Variants in CADPS observed in about 807,000 individuals in gnomAD.
CADPS encodes calcium dependent secretion activator, also known as calcium-dependent secretion activator 1.
A neutral mutation model predicts 167.3 loss-of-function variants in CADPS; 57 were observed. The ratio of observed to expected loss-of-function variants is 0.34; its 90% CI spans 0.28 to 0.42. CADPS has a LOEUF of 0.42. CADPS is among the 20% of genes least tolerant of loss of function. CADPS has a pLI of 1.00. For synonymous variants in CADPS, 676 were observed against 635.3 expected (o/e 1.06, Z -0.96); for missense variants, 1,414 against 1,738.1 (o/e 0.81, Z 3.32).
intron 6 of CADPS, among the ~76,000 whole-genome samples, chr3:62,630,507 C>G (rs1436277376): frequency 6.6e-6 from 1 of 152,064 alleles, no homozygotes; most frequent in African/African-American, 2.4e-5. Flanking sequence ...CACCACCACA[C>G]CCAGCTTTTT....
chr3:62,655,573 C>T (rs1265965750), intron 4 of CADPS, among the ~76,000 whole-genome samples: 1 of 152,102 alleles, frequency 6.6e-6, no homozygotes, highest in African/African-American at 2.4e-5. Context: ...AGTTCTAATG[C>T]CTCCCTTGGC....
chr3:62,528,185 T>G (rs2072776361), intron 13 of CADPS, among the ~76,000 whole-genome samples: 1 of 152,136 alleles, frequency 6.6e-6, no homozygotes, highest in Non-Finnish European at 1.5e-5. Flanking sequence ...CATATACAAG[T>G]GCTAATCTTG....
At chr3:62,415,574 AGAG>A (rs1399026815) in intron 28 of CADPS, among the ~76,000 whole-genome samples, 1 of 152,180 alleles carries the variant, frequency 6.6e-6, no homozygotes, top group Admixed American at 6.5e-5. Flanking sequence ...GATTTTGTAA[AGAG>A]GAGGACAAAA....
chr3:62,774,994 T>C (rs918772706), intron 1 of CADPS, among the ~76,000 whole-genome samples: 11 of 152,138 alleles, frequency 7.2e-5, no homozygotes, highest in African/African-American at 2.7e-4. Context: ...TGTCTTGCTA[T>C]TTGAATGAAT....
intron 17 of CADPS, 145 bp downstream of exon 17, chr3:62,512,606 G>A: frequency 1.9e-6 from 1 of 526,318 alleles, no homozygotes; most frequent in Non-Finnish European, 3.4e-6. Context: ...TATTTAGACA[G>A]CACAAATTAA....
intron 8 of CADPS, 40 bp from the exon 9 acceptor site, chr3:62,570,978 G>C (rs778906370): frequency 2.4e-6 from 3 of 1,255,948 alleles, no homozygotes; most frequent in Non-Finnish European, 3.5e-6. Context: ...ATTAATGCTT[G>C]AGTGAGTGAA....
intron 6 of CADPS, among the ~76,000 whole-genome samples, chr3:62,629,273 T>G (rs529548730): frequency 6.6e-6 from 1 of 152,308 alleles, no homozygotes; most frequent in Non-Finnish European, 1.5e-5. Context: ...TGTGTCTGTT[T>G]GTAGTCAACC....
At chr3:62,491,018 T>G (rs577469902) in intron 21 of CADPS, among the ~76,000 whole-genome samples, 1 of 152,302 alleles carries the variant, frequency 6.6e-6, no homozygotes, top group Admixed American at 6.5e-5. Flanking sequence ...ATCCTAGAGA[T>G]AACACCATTG....
At chr3:62,635,993 G>C (rs2066231191) in intron 6 of CADPS, among the ~76,000 whole-genome samples, 1 of 152,168 alleles carries the variant, frequency 6.6e-6, no homozygotes, top group African/African-American at 2.4e-5. Flanking sequence ...AGGCATCTGA[G>C]AGATAAAGCG....
At chr3:62,559,548 G>A (rs1386163225) in intron 9 of CADPS, among the ~76,000 whole-genome samples, 2 of 151,906 alleles carry the variant, frequency 1.3e-5, no homozygotes, top group East Asian at 1.9e-4. Flanking sequence ...AGACTGGGGT[G>A]CAATGGCATG....
At chr3:62,578,176 C>T (rs1315370169) in intron 8 of CADPS, among the ~76,000 whole-genome samples, 3 of 129,124 alleles carry the variant, frequency 2.3e-5, no homozygotes, top group Non-Finnish European at 4.8e-5. Flanking sequence ...AAAAGATTTA[C>T]CATGCTAACA....
intron 1 of CADPS, among the ~76,000 whole-genome samples, chr3:62,792,361 G>T (rs183448557): frequency 6.6e-6 from 1 of 151,824 alleles, no homozygotes; most frequent in African/African-American, 2.4e-5. Flanking sequence ...GCACCCCCAT[G>T]CCTGGCTAAT....
intron 28 of CADPS, among the ~76,000 whole-genome samples, chr3:62,425,611 C>T: frequency 6.6e-6 from 1 of 152,164 alleles, no homozygotes; most frequent in Non-Finnish European, 1.5e-5. Flanking sequence ...AAATTACACG[C>T]ATATAAAAAG....
At chr3:62,654,446 G>C (rs981387303) in intron 4 of CADPS, among the ~76,000 whole-genome samples, 7 of 152,166 alleles carry the variant, frequency 4.6e-5, no homozygotes, top group Non-Finnish European at 1.0e-4. Flanking sequence ...TTTGCCACCA[G>C]GTTGAGTTGG....
chr3:62,861,341 G>A (rs2080765419), intron 1 of CADPS, among the ~76,000 whole-genome samples: 1 of 151,936 alleles, frequency 6.6e-6, no homozygotes, highest in African/African-American at 2.4e-5. Flanking sequence ...TACATTTTTA[G>A]AATTTGTAAA....
In CADPS at chr3:62,420,861, AACACACACACACACACACACAC is replaced by A. The variant is rs775850925; in HGVS notation, c.3777+17221_3777+17242del. Among the ~76,000 whole-genome samples, 1 of 133,852 alleles carries A rather than the reference AACACACACACACACACACACAC, an allele frequency of 7.5e-6. No homozygotes were observed. The highest frequency in any genetic ancestry group is 1.6e-5 in the Non-Finnish European group (1 of 62,160). The allele number at this position is 133,852 out of a possible 152,430, so 87.8% of individuals were successfully genotyped here. ...TTTTCTCTTTATGGGAGGGAGAACG[AACACACACACACACACACACAC>A]ACACACACACACACACACAGGCACA... On this transcript the variant is annotated intron_variant, in intron 28 of 29. Coordinates refer to ENST00000383710, the MANE Select transcript of CADPS (RefSeq NM_003716.4). The surrounding 1 kb of genome is among the most constrained non-coding windows in gnomAD (Gnocchi z 4.1).
chr3:62,645,951 G>T, intron 5 of CADPS, 108 bp from the exon 6 acceptor site: 1 of 1,250,110 alleles, frequency 8.0e-7, no homozygotes, highest in Non-Finnish European at 1.1e-6. Flanking sequence ...ACAGGTATCT[G>T]ATGGCTTCTG....
Position 62,433,848 on chromosome 3 carries a change from A to G in CADPS, c.3777+4256T>C, listed in dbSNP as rs1203068541. Among the ~76,000 whole-genome samples, 2 of 152,172 alleles carry G rather than the reference A, an allele frequency of 1.3e-5. No homozygotes were observed. The highest frequency in any genetic ancestry group is 2.9e-5 in the Non-Finnish European group (2 of 68,030). On this transcript the variant is annotated intron_variant, in intron 28 of 29. Coordinates refer to ENST00000383710, the MANE Select transcript of CADPS (RefSeq NM_003716.4). This position sits in a 1 kb window ranked among gnomAD's most constrained non-coding sequence, Gnocchi z 4.7. ...TGATGATCTGATCTCTAATTTCAAAAAGCATGTTTTTATTTTGGGGAAGAT... is the reference window on the plus strand; with the variant it reads ...TGATGATCTGATCTCTAATTTCAAAGAGCATGTTTTTATTTTGGGGAAGAT...
rs1007688924 is a variant in CADPS, at chr3:62,710,849, G to C, written c.888+42592C>G. Among the ~76,000 whole-genome samples the C allele has an allele frequency of 1.6e-4, 24 of 147,256 alleles. 2 individuals are homozygous for C. The South Asian group carries it at 2.7e-3, about 17-fold the overall frequency. On this transcript the variant is annotated intron_variant, in intron 3 of 29. Coordinates refer to ENST00000383710, the MANE Select transcript of CADPS (RefSeq NM_003716.4). ...AGCAAAGAGGAAATTAAACACTCAG[G>C]CTAACCGGAGCTTATTATCGCTGCC...
Sources: gnomAD v4.1 joint callset for allele counts (sites outside exome capture counted in the v4.1 genomes callset) on GRCh38, gnomAD v4.1.1 for gene constraint, Gnocchi (gnomAD v3.1) non-coding constraint, MANE v1.5 for transcripts, NCBI Gene and HGNC (gene_info 2026-07-23, HGNC 2026-07-21) for gene names.